Variants in CTNND1 observed in about 807,000 individuals in gnomAD.
CTNND1 encodes catenin delta 1.
Under a neutral mutation model 112.1 loss-of-function variants are expected in CTNND1, and 16 were observed. That is an observed-to-expected ratio of 0.14 (90% CI 0.10 to 0.22). The LOEUF (loss-of-function observed/expected upper bound fraction) is 0.22. Among genes scored for constraint, CTNND1 ranks in the 10% least tolerant of loss-of-function variants. The pLI is 1.00. For synonymous variants in CTNND1, 420 were observed against 446.5 expected (o/e 0.94, Z 0.75); for missense variants, 1,008 against 1,257.0 (o/e 0.80, Z 3.00).
chr11:57,806,319 C>T (rs772624473), intron 10 of CTNND1, 142 bp from the exon 11 acceptor site: 157 of 873,752 alleles, frequency 1.8e-4, no homozygotes, highest in Non-Finnish European at 2.4e-4. Flanking sequence ...CTTCCCCATA[C>T]GTCCTTTGCA....
intron 20 of CTNND1, 60 bp from the exon 21 acceptor site, chr11:57,816,237 G>A: frequency 3.1e-6 from 5 of 1,599,006 alleles, no homozygotes; most frequent in East Asian, 4.5e-5. Flanking sequence ...AACTTTTTTG[G>A]GGGGGGTCTC....
rs2063923776 is a variant in CTNND1 at position 57,815,949 on chromosome 11, T to C, written c.2843T>C (p.Leu948Ser). The C allele has an allele frequency of 2.5e-6, 4 of 1,603,258 alleles. No individual in the cohort carries two copies. Among genetic ancestry groups the C allele is most frequent in the Non-Finnish European group, 3.4e-6 (4 of 1,177,510 alleles). ...GGGCAGGAATCTCTGGAGGAAGAGTTGGATGTGTTGGTTTTGGATGATGAG... is the reference window on the plus strand; with the variant it reads ...GGGCAGGAATCTCTGGAGGAAGAGTCGGATGTGTTGGTTTTGGATGATGAG... Reference protein sequence around the residue: ...DEGQESLEEELDVLVLDDEGG... With the variant: ...DEGQESLEEESDVLVLDDEGG... The change falls in exon 20 of 21, where the codon TTG becomes TCG. Residue 948 changes from leucine (L) to serine (S), a missense_variant. Leu to Ser is a moderately radical substitution (Grantham distance 145). Around this residue, in one of 5 missense-constraint regions of CTNND1, gnomAD observed 106 missense variants for 116.2 expected, o/e 0.91. Transcript: ENST00000399050.
At position 57,788,007 on chromosome 11, in the gene CTNND1, G is replaced by A. The variant is rs879393404; in HGVS notation, c.-213-1030G>A. Among the ~76,000 whole-genome samples the A allele has an allele frequency of 3.3e-5, 5 of 152,180 alleles. No individual in the cohort carries two copies. Among genetic ancestry groups the A allele is most frequent in the Admixed American group, 6.5e-5 (1 of 15,276 alleles). On this transcript the variant is annotated intron_variant, in intron 1 of 20. Coordinates refer to ENST00000399050, the MANE Select transcript of CTNND1 (RefSeq NM_001085458.2). The surrounding 1 kb of genome is among the most constrained non-coding windows in gnomAD (Gnocchi z 4.1). ...AGCAGGGAATGTCACTGTATCCCCC[G>A]TGGTAGCAGTAATTTGGGCTTTTAT... is the stretch of plus-strand genomic sequence containing the variant.
intron 6 of CTNND1, among the ~76,000 whole-genome samples, chr11:57,801,017 T>G (rs1238512932): frequency 6.6e-6 from 1 of 152,206 alleles, no homozygotes; most frequent in Non-Finnish European, 1.5e-5. Flanking sequence ...GTATTGTCTT[T>G]AGAAATTGGA....
At chr11:57,801,162 T>C (rs1481633192) in intron 6 of CTNND1, among the ~76,000 whole-genome samples, 1 of 152,240 alleles carries the variant, frequency 6.6e-6, no homozygotes, top group Non-Finnish European at 1.5e-5. Context: ...GGAAGCCCTT[T>C]ATTAGTTTTT....
intron 12 of CTNND1, among the ~76,000 whole-genome samples, chr11:57,807,606 A>C (rs2062844256): frequency 1.3e-5 from 1 of 79,576 alleles, no homozygotes; most frequent in Non-Finnish European, 2.8e-5. Flanking sequence ...ACTCCGTCTC[A>C]AAAAAAAAAA....
chr11:57,793,949 G>C (rs2061053725), intron 3 of CTNND1, 61 bp from the exon 4 acceptor site: 1 of 1,544,132 alleles, frequency 6.5e-7, no homozygotes, highest in African/African-American at 1.4e-5. Context: ...AAGATCGTTT[G>C]TATTTGATAG....
intron 1 of CTNND1, among the ~76,000 whole-genome samples, chr11:57,778,173 C>T (rs754732106): frequency 4.0e-5 from 6 of 151,764 alleles, no homozygotes; most frequent in Non-Finnish European, 8.8e-5. Flanking sequence ...GCTCCCAGCA[C>T]CTGATTAAAC....
Position 57,808,291 on chromosome 11 carries a change from C to T in CTNND1, c.2090C>T (p.Thr697Met), listed in dbSNP as rs375895119. The T allele has an allele frequency of 3.0e-5, 49 of 1,607,872 alleles. 1 individual carries two copies. Among genetic ancestry groups the T allele is most frequent in the African/African-American group, 2.3e-4 (17 of 74,818 alleles). The part of the protein sequence containing the change: ...AIQNLCAGRW[T>M]YGRYIRSALR... The stretch of plus-strand genomic sequence containing the variant: ...CAGAACTTGTGTGCTGGGCGCTGGA[C>T]GGTACCTTTTAGAAAAGGGATTTGG... Residue 697 changes from threonine to methionine, a missense_variant and splice_region_variant, in exon 13 of 21, where the codon ACG (threonine) becomes ATG (methionine). Physicochemically the swap from Thr to Met is moderately conservative, Grantham distance 81. Transcript: ENST00000399050.
At position 57,815,722 on chromosome 11, in the gene CTNND1, G is replaced by A; in HGVS notation, c.2809-193G>A. The A allele has an allele frequency of 3.9e-6, 3 of 776,998 alleles. No homozygotes were observed. In the South Asian group the frequency reaches 4.1e-5, roughly 11 times the overall value. The allele number at this position is 776,998 out of a possible 1,614,324, so 48.1% of individuals were successfully genotyped here. ...ATGTCTGTAAAAGTGTTACTGATAT[G>A]ACTAACACTAACTGATCTACTTTCA... On this transcript the variant is annotated intron_variant, in intron 19 of 20. Coordinates refer to ENST00000399050, the MANE Select transcript of CTNND1 (RefSeq NM_001085458.2).
chr11:57,780,191 C>G (rs2059428761), intron 1 of CTNND1, among the ~76,000 whole-genome samples: 1 of 151,592 alleles, frequency 6.6e-6, no homozygotes, highest in Admixed American at 6.6e-5. Context: ...GTAGCTGGAA[C>G]TACAGGCACA....
At chr11:57,787,475 A>C (rs890432431) in intron 1 of CTNND1, among the ~76,000 whole-genome samples, 1 of 152,242 alleles carries the variant, frequency 6.6e-6, no homozygotes, top group Non-Finnish European at 1.5e-5. Flanking sequence ...TGACATTTGT[A>C]TATAACATAC....
At chr11:57,803,897 ATTC>A in intron 8 of CTNND1, 93 bp downstream of exon 8, 1 of 1,032,110 alleles carries the variant, frequency 9.7e-7, no homozygotes, top group Non-Finnish European at 1.4e-6. Context: ...TCTTTAGCCT[ATTC>A]TTTAGCCTCC....
chr11:57,785,218 A>T (rs1424225528), intron 1 of CTNND1, among the ~76,000 whole-genome samples: 1 of 152,338 alleles, frequency 6.6e-6, no homozygotes, highest in East Asian at 1.9e-4. Flanking sequence ...CCCAAGCTCT[A>T]GTCCCTGTAG....
At chr11:57,780,071 TGAGACA>T (rs2059415161) in intron 1 of CTNND1, among the ~76,000 whole-genome samples, 1 of 129,196 alleles carries the variant, frequency 7.7e-6, no homozygotes. Context: ...TTTTTTTTTT[TGAGACA>T]GGGTCTTACT....
Position 57,791,464 on chromosome 11 carries a change from C to G in CTNND1, c.-15C>G. 4.8e-6 allele frequency: 7 copies of G among 1,464,152 alleles called. No homozygotes were observed. Among genetic ancestry groups the G allele is most frequent in the Non-Finnish European group, 6.4e-6 (7 of 1,101,892 alleles). The allele number at this position is 1,464,152 out of a possible 1,614,324, so 90.7% of individuals were successfully genotyped here. A position where few individuals can be genotyped will look rare whatever the true frequency, so the allele number is the denominator to read the frequency against. ...CTTTTTACCCTGCCCTGCGGCGGCT[C>G]CGCCCCTTACCTTCATGGACGACTC... On this transcript the variant is annotated 5_prime_UTR_variant, in exon 3 of 21. Transcript: ENST00000399050.
intron 1 of CTNND1, among the ~76,000 whole-genome samples, chr11:57,784,574 G>A (rs903693186): frequency 1.2e-4 from 18 of 152,024 alleles, no homozygotes; most frequent in African/African-American, 3.9e-4. Context: ...CACAATCTCG[G>A]CACACTGAAA....
At chr11:57,794,980 C>T (rs2061206877) in intron 4 of CTNND1, among the ~76,000 whole-genome samples, 1 of 151,888 alleles carries the variant, frequency 6.6e-6, no homozygotes, top group Admixed American at 6.6e-5. Context: ...TGGAGGATTG[C>T]TTGAGCCCAG....
At chr11:57,775,346 A>AAG in intron 1 of CTNND1, among the ~76,000 whole-genome samples, 1 of 137,502 alleles carries the variant, frequency 7.3e-6, no homozygotes, top group South Asian at 2.3e-4. Context: ...AAAAAAAAAA[A>AAG]CAACACACAC....
Sources: allele counts gnomAD v4.1 joint callset (sites outside exome capture counted in the v4.1 genomes callset), GRCh38; gene constraint gnomAD v4.1.1; regional missense constraint gnomAD v4.1.1; non-coding constraint Gnocchi (gnomAD v3.1); transcripts MANE v1.5; gene names NCBI Gene and HGNC (gene_info 2026-07-23, HGNC 2026-07-21).